The following DMD variants were observed in gnomAD, a reference collection of about 807,000 sequenced individuals.
DMD encodes the protein mutant dystrophin.
In DMD, 63 loss-of-function variants were observed where a neutral mutation model predicts 330.1. That is an observed-to-expected ratio of 0.19 (90% CI 0.16 to 0.24). The LOEUF is 0.24. Ranked by LOEUF, DMD falls within the 10% of genes least tolerant of loss-of-function variation. The pLI is 1.00. For missense variants in DMD, 3,344 were observed against 2,684.1 expected (o/e 1.25, Z -5.43); for synonymous variants, 1,223 against 959.8 (o/e 1.27, Z -5.07).
intron 61 of DMD, among the ~76,000 whole-genome samples, chrX:31,332,583 A>C (rs1453113015): frequency 1.8e-5 from 2 of 112,037 alleles, no homozygotes; most frequent in Middle Eastern, 4.6e-3. Flanking sequence ...TGTGCAGTTG[A>C]GACGTGTGGG....
chrX:31,755,996 T>A (rs1346584041), intron 51 of DMD, among the ~76,000 whole-genome samples: 9 of 111,749 alleles, frequency 8.1e-5, no homozygotes, highest in Admixed American at 7.6e-4. Context: ...GCAAGAAATG[T>A]TCTGCATGTT....
At chrX:32,812,729 C>T (rs747544406) in intron 6 of DMD, among the ~76,000 whole-genome samples, 25 of 112,299 alleles carry the variant, frequency 2.2e-4, no homozygotes, top group African/African-American at 8.1e-4. Flanking sequence ...ATTAGGAAAT[C>T]GAATCCCTCC....
chrX:32,153,602 T>C (rs983277039), intron 44 of DMD, among the ~76,000 whole-genome samples: 10 of 112,269 alleles, frequency 8.9e-5, no homozygotes, highest in African/African-American at 3.2e-4. Flanking sequence ...AATGATTTGA[T>C]ATTTTGTTTT....
chrX:32,686,559 CAAAAAAAAA>C (rs750534167), intron 9 of DMD, among the ~76,000 whole-genome samples: 1 of 28,581 alleles, frequency 3.5e-5, no homozygotes, highest in South Asian at 3.2e-3. Flanking sequence ...AACTCCATCT[CAAAAAAAAA>C]AAAAAAAAAA....
At chrX:31,733,277 T>C (rs756823414) in intron 51 of DMD, among the ~76,000 whole-genome samples, 1 of 111,652 alleles carries the variant, frequency 9.0e-6, no homozygotes, top group East Asian at 2.8e-4. Context: ...ACTAGGGCAT[T>C]TTAGGCTTTT....
chrX:32,868,405 G>A (rs769806798), intron 2 of DMD, among the ~76,000 whole-genome samples: 1 of 111,484 alleles, frequency 9.0e-6, no homozygotes, highest in East Asian at 2.9e-4. Context: ...CTCCCGGGGA[G>A]GGGCGGCATC....
intron 5 of DMD, 44 bp from the exon 6 acceptor site, chrX:32,816,684 G>C (rs1385587361): frequency 2.6e-6 from 3 of 1,156,584 alleles, no homozygotes; most frequent in Non-Finnish European, 3.5e-6. Flanking sequence ...CATTCCTTGA[G>C]CAAGAACCAT....
intron 12 of DMD, among the ~76,000 whole-genome samples, chrX:32,603,959 A>C (rs2056450511): frequency 9.0e-6 from 1 of 111,369 alleles, no homozygotes; most frequent in Non-Finnish European, 1.9e-5. Flanking sequence ...TAACTGTTGC[A>C]AAATATCAAA....
chrX:31,739,417 C>T (rs1433029614), intron 51 of DMD, among the ~76,000 whole-genome samples: 1 of 111,653 alleles, frequency 9.0e-6, no homozygotes, highest in Non-Finnish European at 1.9e-5. Flanking sequence ...GCTATTCAAA[C>T]TTAAAAAACA....
At chrX:32,098,237 A>G (rs947063477) in intron 44 of DMD, among the ~76,000 whole-genome samples, 2 of 111,845 alleles carry the variant, frequency 1.8e-5, no homozygotes, top group Non-Finnish European at 3.8e-5. Context: ...ATAAATATAT[A>G]GAAATAAATA....
intron 44 of DMD, among the ~76,000 whole-genome samples, chrX:32,065,342 C>G (rs2096252881): frequency 9.0e-6 from 1 of 110,982 alleles, no homozygotes; most frequent in South Asian, 3.7e-4. Context: ...AAAGACCTAC[C>G]ATTATTACAC....
chrX:33,312,020 A>G, intron 1 of DMD, among the ~76,000 whole-genome samples: 1 of 110,818 alleles, frequency 9.0e-6, no homozygotes, highest in East Asian at 2.8e-4. Context: ...TTTTTTAGCA[A>G]GAGAATTTAT....
intron 2 of DMD, among the ~76,000 whole-genome samples, chrX:32,863,241 G>C (rs1487992753): frequency 9.1e-6 from 1 of 110,497 alleles, no homozygotes; most frequent in Non-Finnish European, 1.9e-5. Context: ...TATAGGCTAG[G>C]CGCAGTGGCT....
chrX:32,483,745 G>A (rs1186177779), intron 21 of DMD, among the ~76,000 whole-genome samples: 1 of 96,989 alleles, frequency 1.0e-5, no homozygotes, highest in African/African-American at 3.8e-5. Context: ...TCCACTAGAG[G>A]GAGCTGATAC....
intron 11 of DMD, among the ~76,000 whole-genome samples, chrX:32,639,244 T>G (rs1168261552): frequency 8.9e-6 from 1 of 112,059 alleles, no homozygotes; most frequent in East Asian, 2.8e-4. Context: ...TCAAATTAAT[T>G]AGTTTATTCA....
chrX:33,151,378 T>C (rs1259142102), intron 1 of DMD, among the ~76,000 whole-genome samples: 1 of 112,833 alleles, frequency 8.9e-6, no homozygotes, highest in Non-Finnish European at 1.9e-5. Flanking sequence ...TAATACAGAA[T>C]ATTATTTCTG....
At chrX:32,178,859 G>A (rs956161059) in intron 44 of DMD, among the ~76,000 whole-genome samples, 12 of 107,946 alleles carry the variant, frequency 1.1e-4, no homozygotes, top group Non-Finnish European at 1.7e-4. Flanking sequence ...GTGTGTGTGT[G>A]TGTGTACACA....
chrX:32,790,782 C>T (rs2075757296), intron 7 of DMD, among the ~76,000 whole-genome samples: 1 of 111,546 alleles, frequency 9.0e-6, no homozygotes, highest in African/African-American at 3.3e-5. Flanking sequence ...GCACAGGCTA[C>T]CCAGGCAACT....
rs1056404208 is a variant in DMD, at chrX:31,191,761, C to T, written c.9808-8857G>A. Among the ~76,000 whole-genome samples, 12 of 111,571 alleles carry T rather than the reference C, an allele frequency of 1.1e-4. No individual in the cohort carries two copies. In the East Asian group the frequency reaches 3.1e-3, roughly 29 times the overall value. ...TATGTCTTTATCAGCAGCGTGAAAACGGACTAATACAGTGGCCATTTTCAT... is the reference window on the plus strand; with the variant it reads ...TATGTCTTTATCAGCAGCGTGAAAATGGACTAATACAGTGGCCATTTTCAT... On this transcript the variant is annotated intron_variant, in intron 67 of 78. Transcript: ENST00000357033.
Sources: gnomAD v4.1 joint callset for allele counts (sites outside exome capture counted in the v4.1 genomes callset) on GRCh38, gnomAD v4.1.1 for gene constraint, MANE v1.5 for transcripts, NCBI Gene and HGNC (gene_info 2026-07-23, HGNC 2026-07-21) for gene names.